Variants in ERC1 observed in about 807,000 individuals in gnomAD.
The protein encoded by ERC1 is ELKS/RAB6-interacting/CAST family member 1.
ERC1 carries 56 observed loss-of-function variants against 132.0 expected under a neutral mutation model. That is an observed-to-expected ratio of 0.42 (90% CI 0.34 to 0.53). ERC1 has a LOEUF of 0.53. ERC1 is among the 20% of genes least tolerant of loss of function. The pLI, the probability that ERC1 is intolerant of heterozygous loss-of-function variation, is 0.03. For synonymous variants in ERC1, 478 were observed against 476.1 expected, an observed-to-expected ratio of 1.00 and a Z score of -0.05; for missense variants, 1,202 against 1,349.9, an observed-to-expected ratio of 0.89 and a Z score of 1.72.
chr12:1,384,809 C>G (rs2089137864), intron 16 of ERC1, among the ~76,000 whole-genome samples: 1 of 152,116 alleles, frequency 6.6e-6, no homozygotes, highest in South Asian at 2.1e-4. Context: ...GTATTGCCAG[C>G]CTTGTTCCTG....
At chr12:1,457,022 A>G (rs2093552154) in intron 18 of ERC1, among the ~76,000 whole-genome samples, 1 of 152,190 alleles carries the variant, frequency 6.6e-6, no homozygotes, top group African/African-American at 2.4e-5. Context: ...CTCCCGTAAG[A>G]TGATAAGACC....
intron 1 of ERC1, among the ~76,000 whole-genome samples, chr12:1,007,880 C>A (rs1325135488): frequency 6.6e-6 from 1 of 151,982 alleles, no homozygotes; most frequent in African/African-American, 2.4e-5. Flanking sequence ...TAATATCTGG[C>A]TACATGTGTT....
At chr12:1,221,032 A>T (rs1333343566) in intron 12 of ERC1, among the ~76,000 whole-genome samples, 2 of 151,900 alleles carry the variant, frequency 1.3e-5, no homozygotes, top group Non-Finnish European at 2.9e-5. Context: ...TACACACCTT[A>T]TCTCCTTTCT....
chr12:1,227,090 A>G (rs193029321), intron 12 of ERC1, among the ~76,000 whole-genome samples: 6 of 152,318 alleles, frequency 3.9e-5, no homozygotes, highest in Non-Finnish European at 7.4e-5. Flanking sequence ...ATCGTGACTA[A>G]TACTGCAGTG....
chr12:1,306,053 A>G lies in ERC1; in HGVS notation c.2780+16041A>G, dbSNP rs145435962. ...TGCTTAAAACTTCTGCCTTTACCCA[A>G]ACTTTATGGTGTCTTCTGGAATAGT... On this transcript the variant is annotated intron_variant, in intron 15 of 18. Coordinates refer to ENST00000360905, the MANE Select transcript of ERC1 (RefSeq NM_178040.4). 4.9e-4 allele frequency among the ~76,000 whole-genome samples: 74 copies of G among 152,302 alleles called. 1 individual carries two copies. In the East Asian group the frequency reaches 0.012, roughly 24 times the overall value.
At chr12:1,123,355 G>C (rs1947795248) in intron 7 of ERC1, among the ~76,000 whole-genome samples, 1 of 152,122 alleles carries the variant, frequency 6.6e-6, no homozygotes, top group Non-Finnish European at 1.5e-5. Flanking sequence ...CCATGAAAAA[G>C]AAGGCTGAGA....
intron 15 of ERC1, among the ~76,000 whole-genome samples, chr12:1,323,303 C>A (rs1364122809): frequency 6.6e-6 from 1 of 152,128 alleles, no homozygotes; most frequent in African/African-American, 2.4e-5. Flanking sequence ...TATAAAATTA[C>A]ATGTGATTTG....
At position 1,456,881 on chromosome 12, in the gene ERC1, C is replaced by G. The variant is rs370425966; in HGVS notation, c.3213+12131C>G. On this transcript the variant is annotated intron_variant, in intron 18 of 18. Transcript: ENST00000360905. ...TTCCCATCCCCATAATTCTAATAAT[C>G]TAGAGAAAATGAAGAGAGAAAAAAT... 5.9e-5 allele frequency among the ~76,000 whole-genome samples: 9 copies of G among 152,072 alleles called. No homozygotes were observed. In the East Asian group the frequency reaches 1.2e-3, roughly 20 times the overall value.
intron 17 of ERC1, among the ~76,000 whole-genome samples, chr12:1,435,697 C>T (rs1013515523): frequency 6.6e-5 from 10 of 152,180 alleles, no homozygotes; most frequent in African/African-American, 2.4e-4. Context: ...CTTCGTGCCC[C>T]CGTGCATTCT....
chr12:1,135,307 CT>C (rs1949143950), intron 7 of ERC1, among the ~76,000 whole-genome samples: 1 of 152,338 alleles, frequency 6.6e-6, no homozygotes, highest in Admixed American at 6.5e-5. Context: ...CTGTTATAAG[CT>C]TACCACTTCG....
intron 3 of ERC1, among the ~76,000 whole-genome samples, chr12:1,092,701 C>T (rs1025569192): frequency 6.6e-6 from 1 of 152,238 alleles, no homozygotes; most frequent in Non-Finnish European, 1.5e-5. Flanking sequence ...TGGCTCACGT[C>T]TGTAATCCCA....
At chr12:1,316,591 G>A (rs1009387538) in intron 15 of ERC1, among the ~76,000 whole-genome samples, 5 of 152,118 alleles carry the variant, frequency 3.3e-5, no homozygotes, top group South Asian at 2.1e-4. Flanking sequence ...TTGTTAATGC[G>A]GGAGAGGATT....
At chr12:1,191,405 T>C (rs1158642102) in intron 12 of ERC1, among the ~76,000 whole-genome samples, 1 of 152,180 alleles carries the variant, frequency 6.6e-6, no homozygotes, top group Non-Finnish European at 1.5e-5. Context: ...CAGTACTGCA[T>C]AGATACAAAA....
chr12:1,454,832 A>G (rs1245371481), intron 18 of ERC1, among the ~76,000 whole-genome samples: 1 of 152,238 alleles, frequency 6.6e-6, no homozygotes, highest in African/African-American at 2.4e-5. Context: ...TTTAAAATAT[A>G]TCGTCTCATA....
intron 8 of ERC1, among the ~76,000 whole-genome samples, chr12:1,177,608 G>A (rs977371303): frequency 7.9e-5 from 12 of 152,106 alleles, no homozygotes; most frequent in Admixed American, 3.9e-4. Flanking sequence ...CATCTCATAC[G>A]GGCAGAGTTC....
intron 15 of ERC1, among the ~76,000 whole-genome samples, chr12:1,356,212 A>AGTGTG (rs1489476709): frequency 0.029 from 3,490 of 118,990 alleles, 139 homozygotes; most frequent in African/African-American, 0.11. Flanking sequence ...AAAAAAAAAA[A>AGTGTG]AGTGTGTGTG....
In ERC1 at chr12:1,292,620, T is replaced by A. The variant is rs558857103; in HGVS notation, c.2780+2608T>A. Among the ~76,000 whole-genome samples the A allele has an allele frequency of 2.0e-5, 3 of 152,288 alleles. No homozygotes were observed. In the South Asian group the frequency reaches 6.2e-4, roughly 32 times the overall value. ...GGTCTCCCACAAACAGAGAATAAATTTTCATATGTACCTAAGAAGAGTCCA... is the reference window on the plus strand; with the variant it reads ...GGTCTCCCACAAACAGAGAATAAATATTCATATGTACCTAAGAAGAGTCCA... On this transcript the variant is annotated intron_variant, in intron 15 of 18. Coordinates refer to ENST00000360905, the MANE Select transcript of ERC1 (RefSeq NM_178040.4).
intron 2 of ERC1, among the ~76,000 whole-genome samples, chr12:1,048,620 G>T (rs1387594502): frequency 6.6e-6 from 1 of 152,100 alleles, no homozygotes; most frequent in African/African-American, 2.4e-5. Flanking sequence ...TTATTTCTCT[G>T]TCACATCAAG....
chr12:1,121,083 G>T (rs985091461), intron 7 of ERC1, among the ~76,000 whole-genome samples: 2 of 152,182 alleles, frequency 1.3e-5, no homozygotes, highest in African/African-American at 4.8e-5. Context: ...TGGAGGGTTT[G>T]TATACTTTCA....
Sources: gnomAD v4.1 joint callset for allele counts (sites outside exome capture counted in the v4.1 genomes callset) on GRCh38, gnomAD v4.1.1 for gene constraint, MANE v1.5 for transcripts, NCBI Gene and HGNC (gene_info 2026-07-23, HGNC 2026-07-21) for gene names.